The following SH3BP4 variants were observed in gnomAD, a reference collection of about 807,000 sequenced individuals.
The protein encoded by SH3BP4 is SH3 domain binding protein 4, also known as SH3 domain-binding protein 4.
SH3BP4 carries 33 observed loss-of-function variants against 65.5 expected under a neutral mutation model. The observed-to-expected ratio is 0.50, with a 90% confidence interval of 0.38 to 0.67. SH3BP4 has a LOEUF of 0.67. Ranked by LOEUF, SH3BP4 falls within the 30% of genes least tolerant of loss-of-function variation. The pLI, the probability that SH3BP4 is intolerant of heterozygous loss-of-function variation, is 0.00. For missense variants in SH3BP4, 1,134 were observed against 1,261.4 expected, an observed-to-expected ratio of 0.90 and a Z score of 1.53; for synonymous variants, 552 against 545.5, an observed-to-expected ratio of 1.01 and a Z score of -0.17.
rs1695689927 is a variant in SH3BP4 at position 235,042,365 on chromosome 2, C to T, written c.1596C>T (p.Ser532=). The T allele has an allele frequency of 1.2e-6, 2 of 1,614,158 alleles. No individual in the cohort carries two copies. Among genetic ancestry groups the T allele is most frequent in the Non-Finnish European group, 1.7e-6 (2 of 1,180,030 alleles). ...QLWGKHQFVL[S]RPQDLKVCMF... ...GGGGGAAGCACCAGTTCGTTTTGTC[C>T]AGGCCCCAGGATCTCAAGGTCTGTA... is the stretch of plus-strand genomic sequence containing the variant. The change falls in exon 4 of 6, where the codon TCC becomes TCT. Residue 532 remains serine (S), a synonymous_variant. Transcript: ENST00000392011. This position sits in a 1 kb window ranked among gnomAD's most constrained non-coding sequence, Gnocchi z 7.3.
intron 2 of SH3BP4, among the ~76,000 whole-genome samples, chr2:235,024,898 A>C (rs1238720356): frequency 6.6e-6 from 1 of 151,866 alleles, no homozygotes. Flanking sequence ...GGCAGGTGGG[A>C]GCCGGGAGTC....
intron 1 of SH3BP4, chr2:234,981,800 C>G (rs765652357): frequency 6.6e-6 from 1 of 152,072 alleles, no homozygotes; most frequent in Non-Finnish European, 1.5e-5. Flanking sequence ...AGAATCATAC[C>G]GGAGTGGAAA....
intron 4 of SH3BP4, among the ~76,000 whole-genome samples, chr2:235,044,959 T>C (rs985357325): frequency 4.6e-5 from 7 of 152,066 alleles, no homozygotes; most frequent in African/African-American, 1.7e-4. Flanking sequence ...TCACTGCACT[T>C]GGGTGGGGAG....
At chr2:234,999,518 G>A (rs1480397356) in intron 2 of SH3BP4, among the ~76,000 whole-genome samples, 4 of 152,140 alleles carry the variant, frequency 2.6e-5, no homozygotes, top group Non-Finnish European at 5.9e-5. Context: ...TTTCGGAAGG[G>A]CACCTGGATG....
At chr2:235,049,816 A>G (rs889385489) in intron 4 of SH3BP4, among the ~76,000 whole-genome samples, 42 of 152,268 alleles carry the variant, frequency 2.8e-4, no homozygotes, top group Middle Eastern at 3.4e-3. Flanking sequence ...AGTGCTGAGA[A>G]GTTTGCATAT....
At chr2:234,982,723 T>G (rs1574790030) in intron 1 of SH3BP4, among the ~76,000 whole-genome samples, 1 of 150,680 alleles carries the variant, frequency 6.6e-6, no homozygotes. Context: ...TGGGAGGAGG[T>G]GGGATATGTA....
rs1044670321 is a variant in SH3BP4 at position 235,042,514 on chromosome 2, A to G, written c.1745A>G (p.Asn582Ser). Residue 582 changes from asparagine to serine, a missense_variant, in exon 4 of 6, where the codon AAC (asparagine) becomes AGC (serine). Asn to Ser is a conservative substitution (Grantham distance 46). Coordinates refer to ENST00000392011, the MANE Select transcript of SH3BP4 (RefSeq NM_014521.3). This position sits in a 1 kb window ranked among gnomAD's most constrained non-coding sequence, Gnocchi z 7.3. The part of the protein sequence containing the change: ...LIFPITSQNP[N>S]ELSDFTLRVQ... ...TTCCCCATCACCTCCCAGAACCCCAACGAGCTCTCTGACTTCACGCTGCGG... is the reference window on the plus strand; with the variant it reads ...TTCCCCATCACCTCCCAGAACCCCAGCGAGCTCTCTGACTTCACGCTGCGG... 7 of 1,614,018 alleles carry G rather than the reference A, an allele frequency of 4.3e-6. No homozygotes were observed. Among genetic ancestry groups the G allele is most frequent in the African/African-American group, 2.7e-5 (2 of 75,000 alleles).
chr2:235,038,366 A>ATAGT (rs1248934629), intron 3 of SH3BP4, among the ~76,000 whole-genome samples: 2,195 of 39,356 alleles, frequency 0.056, 318 homozygotes, highest in South Asian at 0.26. Context: ...ATATATATAT[A>ATAGT]ATATATATAC....
At chr2:234,958,038 AAG>A (rs1466621648) in intron 1 of SH3BP4, among the ~76,000 whole-genome samples, 2 of 152,048 alleles carry the variant, frequency 1.3e-5, no homozygotes, top group Non-Finnish European at 2.9e-5. Flanking sequence ...TAGAAAGGAA[AAG>A]AGTCTTCCTT....
chr2:234,961,102 A>T (rs865955250), intron 1 of SH3BP4, among the ~76,000 whole-genome samples: 2 of 152,164 alleles, frequency 1.3e-5, no homozygotes, highest in South Asian at 2.1e-4. Context: ...TCTTCCTGTT[A>T]TGACCTCGGT....
rs535687605 is a variant in SH3BP4, at chr2:235,026,738, G to A, written c.-132-8133G>A. On this transcript the variant is annotated intron_variant, in intron 2 of 5. Transcript: ENST00000392011. This position sits in a 1 kb window ranked among gnomAD's most constrained non-coding sequence, Gnocchi z 4.6. ...CCCTCGTTCCTCATTTTTTCACCCT[G>A]TGGCGTGGTCTTGGCTCTGAATAAC... is the stretch of plus-strand genomic sequence containing the variant. Among the ~76,000 whole-genome samples the A allele has an allele frequency of 6.6e-6, 1 of 152,204 alleles. No individual in the cohort carries two copies. The highest frequency in any genetic ancestry group is 1.5e-5 in the Non-Finnish European group (1 of 68,012).
In SH3BP4 at chr2:235,011,427, C is replaced by T. The variant is rs575584405; in HGVS notation, c.-133+16051C>T. ...AGCCCATCCTAATTCCGTATGACCT[C>T]ATCTTAACTTCGTCACATCTGCAAA... On this transcript the variant is annotated intron_variant, in intron 2 of 5. Coordinates refer to ENST00000392011, the MANE Select transcript of SH3BP4 (RefSeq NM_014521.3). 4.6e-5 allele frequency among the ~76,000 whole-genome samples: 7 copies of T among 152,318 alleles called. No homozygotes were observed. In the South Asian group the frequency reaches 1.5e-3, roughly 32 times the overall value.
intron 2 of SH3BP4, among the ~76,000 whole-genome samples, chr2:235,005,193 C>T (rs1694255486): frequency 6.6e-6 from 1 of 152,158 alleles, no homozygotes; most frequent in Admixed American, 6.5e-5. Flanking sequence ...AAGGCAGCTT[C>T]CTGGGCATGC....
chr2:234,995,857 C>T (rs1043062924), intron 2 of SH3BP4: 6 of 152,246 alleles, frequency 3.9e-5, no homozygotes, highest in African/African-American at 9.6e-5. Context: ...GGGATGGACC[C>T]GCGGTTAGAG....
chr2:234,977,780 C>T lies in SH3BP4; in HGVS notation c.-206-17523C>T, dbSNP rs952405844. Reference sequence around the variant, plus strand: ...AGTGAGCCCTGCGCTGGGAAAGACACGCACACGCATATGCACACACATGGG... The same window carrying T: ...AGTGAGCCCTGCGCTGGGAAAGACATGCACACGCATATGCACACACATGGG... On this transcript the variant is annotated intron_variant, in intron 1 of 5. Transcript: ENST00000392011. This position sits in a 1 kb window ranked among gnomAD's most constrained non-coding sequence, Gnocchi z 5.1. Among the ~76,000 whole-genome samples the T allele has an allele frequency of 1.3e-5, 2 of 152,042 alleles. No homozygotes were observed. The highest frequency in any genetic ancestry group is 2.4e-5 in the African/African-American group (1 of 41,410).
intron 1 of SH3BP4, among the ~76,000 whole-genome samples, chr2:234,986,587 G>C (rs950256808): frequency 2.0e-5 from 3 of 151,944 alleles, no homozygotes; most frequent in Non-Finnish European, 2.9e-5. Flanking sequence ...TGTGTTTGTC[G>C]TTACTCTGCA....
intron 2 of SH3BP4, among the ~76,000 whole-genome samples, chr2:235,011,660 C>T (rs140592833): frequency 6.6e-6 from 1 of 152,196 alleles, no homozygotes; most frequent in African/African-American, 2.4e-5. Context: ...GTATTCCTGG[C>T]AAAGGCTCAG....
At chr2:235,016,947 C>T (rs927416510) in intron 2 of SH3BP4, among the ~76,000 whole-genome samples, 7 of 151,862 alleles carry the variant, frequency 4.6e-5, no homozygotes, top group Admixed American at 6.6e-5. Flanking sequence ...GAGCAAAACA[C>T]GTTGACTTCA....
intron 3 of SH3BP4, among the ~76,000 whole-genome samples, chr2:235,038,621 A>C (rs1341929630): frequency 6.6e-6 from 1 of 151,602 alleles, no homozygotes; most frequent in African/African-American, 2.4e-5. Flanking sequence ...TGGAAAAATG[A>C]GATGGGACAA....
Sources: allele counts gnomAD v4.1 joint callset (sites outside exome capture counted in the v4.1 genomes callset), GRCh38; gene constraint gnomAD v4.1.1; non-coding constraint Gnocchi (gnomAD v3.1); transcripts MANE v1.5; gene names NCBI Gene and HGNC (gene_info 2026-07-23, HGNC 2026-07-21).